Variants in CDH18 observed in about 807,000 individuals in gnomAD.
CDH18 encodes cadherin 18, also known as cadherin-18.
A neutral mutation model predicts 67.9 loss-of-function variants in CDH18; 31 were observed. The ratio of observed to expected loss-of-function variants is 0.46; its 90% CI spans 0.34 to 0.62. The LOEUF is 0.62. Ranked by LOEUF, CDH18 falls within the 20% of genes least tolerant of loss-of-function variation. The pLI is 0.01. For synonymous variants in CDH18, 362 were observed against 347.2 expected, an observed-to-expected ratio of 1.04 and a Z score of -0.48; for missense variants, 890 against 975.5, an observed-to-expected ratio of 0.91 and a Z score of 1.17.
intron 11 of CDH18, among the ~76,000 whole-genome samples, chr5:19,498,721 A>G (rs994437702): frequency 3.3e-5 from 5 of 152,136 alleles, no homozygotes; most frequent in Admixed American, 6.6e-5. Context: ...TTCAATACCT[A>G]TGTTGACTTT....
chr5:20,128,785 A>T lies in CDH18; in HGVS notation c.-518+126659T>A, dbSNP rs1464780934. 2.0e-5 allele frequency among the ~76,000 whole-genome samples: 3 copies of T among 152,148 alleles called. No individual in the cohort carries two copies. The East Asian group carries it at 5.8e-4, about 29-fold the overall frequency. On this transcript the variant is annotated intron_variant, in intron 2 of 14. Transcript: ENST00000507958. Reference sequence around the variant, plus strand: ...TTAAAGAAAATTTAAGAAACATATAAGATCTTAGAAAATAAATGTTGAAGA... The same window carrying T: ...TTAAAGAAAATTTAAGAAACATATATGATCTTAGAAAATAAATGTTGAAGA...
intron 1 of CDH18, among the ~76,000 whole-genome samples, chr5:20,328,104 A>C (rs1037494995): frequency 6.6e-6 from 1 of 152,074 alleles, no homozygotes; most frequent in Non-Finnish European, 1.5e-5. Flanking sequence ...AGCAGGAGGC[A>C]TAATGAGGGA....
chr5:19,882,907 A>G (rs1255867507), intron 2 of CDH18, among the ~76,000 whole-genome samples: 1 of 152,188 alleles, frequency 6.6e-6, no homozygotes, highest in African/African-American at 2.4e-5. Context: ...CTTTGGATGC[A>G]TTTTTGTTAT....
chr5:19,633,824 G>A (rs1752738971), intron 5 of CDH18, among the ~76,000 whole-genome samples: 1 of 152,118 alleles, frequency 6.6e-6, no homozygotes, highest in African/African-American at 2.4e-5. Flanking sequence ...TAGAGAAGGG[G>A]TTTCATCATG....
intron 1 of CDH18, among the ~76,000 whole-genome samples, chr5:20,415,567 A>T (rs1747226427): frequency 6.6e-6 from 1 of 151,534 alleles, no homozygotes; most frequent in Admixed American, 6.6e-5. Flanking sequence ...AGGTCAGGAG[A>T]TTGAGACCAA....
intron 1 of CDH18, among the ~76,000 whole-genome samples, chr5:20,312,556 T>C (rs1297112218): frequency 6.6e-6 from 1 of 152,100 alleles, no homozygotes; most frequent in East Asian, 1.9e-4. Context: ...GATTTATAAC[T>C]CCCAAACCTA....
At chr5:19,478,122 T>C (rs893593670) in intron 12 of CDH18, among the ~76,000 whole-genome samples, 1 of 152,170 alleles carries the variant, frequency 6.6e-6, no homozygotes, top group Non-Finnish European at 1.5e-5. Flanking sequence ...TGTTTTCTCA[T>C]AATATGTATT....
At chr5:19,545,684 T>C (rs76484185) in intron 8 of CDH18, among the ~76,000 whole-genome samples, 2,824 of 152,224 alleles carry the variant, frequency 0.019, 77 homozygotes, top group African/African-American at 0.065. Flanking sequence ...TACTATTTAA[T>C]TGATAGGCCC....
In CDH18 at chr5:19,903,541, G is replaced by GTATATATATATATATATATATATA. The variant is rs112818883; in HGVS notation, c.-256-64323_-256-64300dup. 3.5e-3 allele frequency among the ~76,000 whole-genome samples: 437 copies of GTATATATATATATATATATATATA among 124,640 alleles called. 3 individuals carry two copies. Among genetic ancestry groups the GTATATATATATATATATATATATA allele is most frequent in the Non-Finnish European group, 5.2e-3 (311 of 60,304 alleles). The allele number at this position is 124,640 out of a possible 152,430, so 81.8% of individuals were successfully genotyped here. A position where few individuals can be genotyped will look rare whatever the true frequency, so the allele number is the denominator to read the frequency against. On this transcript the variant is annotated intron_variant, in intron 2 of 12. Coordinates refer to ENST00000382275, the MANE Select transcript of CDH18 (RefSeq NM_004934.5). Reference sequence around the variant, plus strand: ...CAAAATAATGACTCTGTGTGTGTGTGTATATATATATATATATATATATAT... The same window carrying GTATATATATATATATATATATATA: ...CAAAATAATGACTCTGTGTGTGTGTGTATATATATATATATATATATATATATATATATATATATATATATATAT...
intron 2 of CDH18, among the ~76,000 whole-genome samples, chr5:20,241,333 C>T (rs1454317971): frequency 6.6e-6 from 1 of 152,092 alleles, no homozygotes; most frequent in African/African-American, 2.4e-5. Flanking sequence ...TAGCTTCAAG[C>T]ATATATTCTT....
intron 2 of CDH18, among the ~76,000 whole-genome samples, chr5:20,235,825 G>C (rs979321394): frequency 6.6e-6 from 1 of 152,146 alleles, no homozygotes; most frequent in African/African-American, 2.4e-5. Flanking sequence ...ACACATACCT[G>C]TATGTACATC....
chr5:20,013,863 T>C (rs533932742), intron 2 of CDH18, among the ~76,000 whole-genome samples: 1 of 152,254 alleles, frequency 6.6e-6, no homozygotes, highest in Non-Finnish European at 1.5e-5. Context: ...CTTTGTTTTA[T>C]ATAGCCAAGT....
At chr5:20,140,450 AG>A (rs1750152584) in intron 2 of CDH18, among the ~76,000 whole-genome samples, 1 of 152,170 alleles carries the variant, frequency 6.6e-6, no homozygotes, top group Non-Finnish European at 1.5e-5. Flanking sequence ...CATGTACCCT[AG>A]AACTTAAAGT....
In CDH18 at chr5:20,095,551, G is replaced by GAAAGA. The variant is rs1745906730; in HGVS notation, c.-517-103538_-517-103537insTCTTT. ...GAAGGAAGGAAAGAAGGAAGGGAAG[G>GAAAGA]AAGGAAAGAAAGGAAAGAAAGGAAG... On this transcript the variant is annotated intron_variant, in intron 2 of 14. Transcript: ENST00000507958. Among the ~76,000 whole-genome samples, 2 of 74,874 alleles carry GAAAGA rather than the reference G, an allele frequency of 2.7e-5. 1 individual carries two copies. Among genetic ancestry groups the GAAAGA allele is most frequent in the African/African-American group, 1.1e-4 (2 of 18,414 alleles). The allele number at this position is 74,874 out of a possible 152,430, so 49.1% of individuals were successfully genotyped here.
chr5:19,526,329 T>C (rs1158992173), intron 9 of CDH18, among the ~76,000 whole-genome samples: 1 of 152,134 alleles, frequency 6.6e-6, no homozygotes, highest in Non-Finnish European at 1.5e-5. Flanking sequence ...ATTAATACAA[T>C]AGGGACTCAT....
intron 2 of CDH18, among the ~76,000 whole-genome samples, chr5:20,233,336 T>A (rs1742221811): frequency 6.6e-6 from 1 of 151,722 alleles, no homozygotes; most frequent in Non-Finnish European, 1.5e-5. Flanking sequence ...ACTGTTTTTC[T>A]CCTATTTAAA....
rs527798676 is a variant in CDH18, at chr5:20,332,144, C to T, written c.-579-76639G>A. 8.5e-5 allele frequency among the ~76,000 whole-genome samples: 13 copies of T among 152,184 alleles called. No homozygotes were observed. The South Asian group carries it at 1.0e-3, about 12-fold the overall frequency. On this transcript the variant is annotated intron_variant, in intron 1 of 14. Coordinates refer to the CDH18 transcript ENST00000507958. The stretch of plus-strand genomic sequence containing the variant: ...GATGTCTATAAAAAAAATTTGAACT[C>T]GATCATTCCTGGAAACTTATTTAAA...
chr5:19,858,516 AAATTATGTT>A (rs1415949303), intron 2 of CDH18, among the ~76,000 whole-genome samples: 48 of 152,320 alleles, frequency 3.2e-4, no homozygotes, highest in African/African-American at 1.0e-3. Context: ...ACGAACTCAG[AAATTATGTT>A]TTAGTTTTTT....
intron 2 of CDH18, among the ~76,000 whole-genome samples, chr5:19,907,416 C>T (rs1295601251): frequency 6.6e-6 from 1 of 151,904 alleles, no homozygotes; most frequent in African/African-American, 2.4e-5. Flanking sequence ...TTTATGTTTT[C>T]TATACACCTT....
Sources: gnomAD v4.1 joint callset for allele counts (sites outside exome capture counted in the v4.1 genomes callset) on GRCh38, gnomAD v4.1.1 for gene constraint, MANE v1.5 for transcripts, NCBI Gene and HGNC (gene_info 2026-07-23, HGNC 2026-07-21) for gene names.